Variants in EPB41L3 observed in about 807,000 individuals in gnomAD.
The protein encoded by EPB41L3 is band 4.1-like protein 3.
In EPB41L3, 57 loss-of-function variants were observed where a neutral mutation model predicts 127.1. The ratio of observed to expected loss-of-function variants is 0.45; its 90% CI spans 0.36 to 0.56. EPB41L3 has a LOEUF of 0.56. EPB41L3 is among the 20% of genes least tolerant of loss of function. The probability of loss-of-function intolerance (pLI) is 0.00; values close to 1 mark genes in which losing one functional copy is unlikely to be tolerated. For missense variants in EPB41L3, 1,273 were observed against 1,372.2 expected (o/e 0.93, Z 1.14); for synonymous variants, 572 against 549.5 (o/e 1.04, Z -0.57).
intron 15 of EPB41L3, chr18:5,407,303 T>A: frequency 2.6e-6 from 1 of 386,996 alleles, no homozygotes; most frequent in South Asian, 4.3e-5. Context: ...GAATAACAAA[T>A]CAGAAGCTGA....
intron 1 of EPB41L3, among the ~76,000 whole-genome samples, chr18:5,516,164 T>A (rs1050214878): frequency 1.2e-4 from 19 of 152,128 alleles, no homozygotes; most frequent in African/African-American, 4.3e-4. Context: ...GGGCAGATAC[T>A]CCCGAAACTC....
chr18:5,422,380 T>C (rs191858117), intron 11 of EPB41L3, among the ~76,000 whole-genome samples: 77 of 152,250 alleles, frequency 5.1e-4, no homozygotes, highest in African/African-American at 1.7e-3. Context: ...GCTAGTGAAA[T>C]GGGGAAGGCA....
At chr18:5,394,961 T>C in intron 21 of EPB41L3, 106 bp downstream of exon 21, 1 of 1,288,188 alleles carries the variant, frequency 7.8e-7, no homozygotes, top group South Asian at 1.2e-5. Context: ...AATTCGGAAT[T>C]TTCTTCGGAA....
At chr18:5,444,366 A>G (rs970016369) in intron 4 of EPB41L3, among the ~76,000 whole-genome samples, 1 of 152,232 alleles carries the variant, frequency 6.6e-6, no homozygotes, top group African/African-American at 2.4e-5. Flanking sequence ...TGGTAAAATC[A>G]GATGTTTAAT....
chr18:5,439,823 T>C (rs569341950), intron 5 of EPB41L3, among the ~76,000 whole-genome samples: 2 of 152,366 alleles, frequency 1.3e-5, no homozygotes, highest in South Asian at 4.1e-4. Context: ...TAATGAGATC[T>C]GGCTTTCCCC....
intron 13 of EPB41L3, among the ~76,000 whole-genome samples, chr18:5,411,901 C>T (rs1055439750): frequency 3.3e-5 from 5 of 152,202 alleles, no homozygotes; most frequent in African/African-American, 1.2e-4. Flanking sequence ...TACCTGAGGA[C>T]ACCATTCTGG....
chr18:5,482,319 A>G (rs544506199), intron 2 of EPB41L3, among the ~76,000 whole-genome samples: 2 of 152,336 alleles, frequency 1.3e-5, no homozygotes, highest in African/African-American at 4.8e-5. Flanking sequence ...CAGAGAAAAA[A>G]GAAAAATGAA....
chr18:5,601,940 G>A (rs1029811916), intron 3 of EPB41L3, among the ~76,000 whole-genome samples: 5 of 152,110 alleles, frequency 3.3e-5, no homozygotes, highest in South Asian at 2.1e-4. Context: ...CTTTGATGAC[G>A]GAGGTGATTT....
chr18:5,480,064 T>A (rs1044211618), intron 2 of EPB41L3: 2 of 152,200 alleles, frequency 1.3e-5, no homozygotes, highest in South Asian at 2.1e-4. Flanking sequence ...TTTATTTAAA[T>A]TTTACCTGAA....
intron 1 of EPB41L3, among the ~76,000 whole-genome samples, chr18:5,513,477 CTCT>C (rs1237828663): frequency 6.6e-6 from 1 of 152,186 alleles, no homozygotes; most frequent in Non-Finnish European, 1.5e-5. Flanking sequence ...GGAGCATCTC[CTCT>C]GTGACTAGGC....
chr18:5,494,849 T>C (rs1281838352), intron 1 of EPB41L3, among the ~76,000 whole-genome samples: 2 of 151,956 alleles, frequency 1.3e-5, no homozygotes, highest in African/African-American at 4.8e-5. Flanking sequence ...GAAAAGGGAT[T>C]GAGAGCGAGA....
chr18:5,393,435 CTAACGGTTTGCA>C lies in EPB41L3; in HGVS notation c.*38_*49del. Reference sequence around the variant, plus strand: ...GAACTCCATATAGGCTCTGGTTTTCCTAACGGTTTGCATGACTGCATTCATGTGCAAGCTAAG... The same window carrying C: ...GAACTCCATATAGGCTCTGGTTTTCCTGACTGCATTCATGTGCAAGCTAAG... On this transcript the variant is annotated 3_prime_UTR_variant, in exon 23 of 23. Coordinates refer to ENST00000341928, the MANE Select transcript of EPB41L3 (RefSeq NM_012307.5). The C allele has an allele frequency of 1.4e-6, 1 of 699,010 alleles. No homozygotes were observed. The highest frequency in any genetic ancestry group is 2.6e-6 in the Non-Finnish European group (1 of 383,520). The allele number at this position is 699,010 out of a possible 1,614,324, so 43.3% of individuals were successfully genotyped here.
intron 3 of EPB41L3, among the ~76,000 whole-genome samples, chr18:5,558,085 T>C (rs1459399989): frequency 6.6e-6 from 1 of 152,226 alleles, no homozygotes; most frequent in Admixed American, 6.5e-5. Flanking sequence ...ATTCTGTCAC[T>C]TACGTTTCAG....
intron 12 of EPB41L3, among the ~76,000 whole-genome samples, chr18:5,419,362 C>A (rs1265976702): frequency 1.3e-5 from 2 of 151,974 alleles, no homozygotes; most frequent in African/African-American, 4.8e-5. Flanking sequence ...GAGAATGGGG[C>A]CAGAAACAAA....
chr18:5,477,757 C>A (rs2087531941), intron 3 of EPB41L3, among the ~76,000 whole-genome samples: 1 of 151,786 alleles, frequency 6.6e-6, no homozygotes, highest in Non-Finnish European at 1.5e-5. Flanking sequence ...AACTACAATG[C>A]CCACCACAAC....
At chr18:5,432,900 G>T (rs564108583) in intron 8 of EPB41L3, among the ~76,000 whole-genome samples, 34 of 152,206 alleles carry the variant, frequency 2.2e-4, no homozygotes, top group Non-Finnish European at 4.4e-4. Context: ...TTTAGAGGTA[G>T]ACTTCTTAAA....
At chr18:5,604,675 A>C (rs2094629561) in intron 3 of EPB41L3, among the ~76,000 whole-genome samples, 1 of 152,128 alleles carries the variant, frequency 6.6e-6, no homozygotes, top group South Asian at 2.1e-4. Flanking sequence ...GCTGGTCTCG[A>C]ACTTCTGGCC....
chr18:5,421,497 G>T (rs887023708), intron 11 of EPB41L3, among the ~76,000 whole-genome samples: 2 of 152,134 alleles, frequency 1.3e-5, no homozygotes, highest in Non-Finnish European at 2.9e-5. Flanking sequence ...ATTCAAAAGG[G>T]CTGGCTCTAA....
chr18:5,558,505 G>C (rs2094073731), intron 3 of EPB41L3, among the ~76,000 whole-genome samples: 1 of 152,230 alleles, frequency 6.6e-6, no homozygotes, highest in African/African-American at 2.4e-5. Flanking sequence ...CTTTTGTGGA[G>C]AGTGTACGCC....
Sources: gnomAD v4.1 joint callset for allele counts (sites outside exome capture counted in the v4.1 genomes callset) on GRCh38, gnomAD v4.1.1 for gene constraint, MANE v1.5 for transcripts, NCBI Gene and HGNC (gene_info 2026-07-23, HGNC 2026-07-21) for gene names.